The following RIMKLA variants were observed in gnomAD, a reference collection of about 807,000 sequenced individuals.
RIMKLA encodes ribosomal modification protein rimK like family member A, also known as N-acetylaspartylglutamate synthase A.
A neutral mutation model predicts 32.7 loss-of-function variants in RIMKLA; 14 were observed. The ratio of observed to expected loss-of-function variants is 0.43; its 90% CI spans 0.28 to 0.67. RIMKLA has a LOEUF of 0.67. Ranked by LOEUF, RIMKLA falls within the 30% of genes least tolerant of loss-of-function variation. The pLI is 0.18. For missense variants in RIMKLA, 410 were observed against 519.0 expected, an observed-to-expected ratio of 0.79 and a Z score of 2.04; for synonymous variants, 176 against 204.1, an observed-to-expected ratio of 0.86 and a Z score of 1.18.
Position 42,390,563 on chromosome 1 carries a change from A to G in RIMKLA, c.164-8841A>G, listed in dbSNP as rs375134735. Among the ~76,000 whole-genome samples the G allele has an allele frequency of 5.3e-5, 8 of 152,278 alleles. No homozygotes were observed. In the South Asian group the frequency reaches 1.7e-3, roughly 32 times the overall value. Reference sequence around the variant, plus strand: ...TACAAGAGCAGAGAAGGTAATCTATATGTCACAGGTGCAGGTGGGTGGGTA... The same window carrying G: ...TACAAGAGCAGAGAAGGTAATCTATGTGTCACAGGTGCAGGTGGGTGGGTA... On this transcript the variant is annotated intron_variant, in intron 1 of 4. Transcript: ENST00000431473.
At chr1:42,411,647 A>ATTATTTATTTATTTAT (rs199789074) in intron 4 of RIMKLA, among the ~76,000 whole-genome samples, 9 of 144,144 alleles carry the variant, frequency 6.2e-5, no homozygotes, top group African/African-American at 2.1e-4. Flanking sequence ...TTTTATTTTT[A>ATTATTTATTTATTTAT]TTATTTATTT....
chr1:42,381,090 C>T lies in RIMKLA; in HGVS notation c.156C>T (p.Gly52=). ...MDQIAVTIVG[G]HLGLQLNQKA... is the part of the protein sequence containing the mutation. ...AGATCGCCGTCACCATCGTCGGCGGCCACCTCGGTGAGCGAGGCGGGCCCG... is the reference window on the plus strand; with the variant it reads ...AGATCGCCGTCACCATCGTCGGCGGTCACCTCGGTGAGCGAGGCGGGCCCG... The change falls in exon 1 of 5, where the codon GGC becomes GGT. Residue 52 remains glycine (G), a synonymous_variant. Coordinates refer to ENST00000431473, the MANE Select transcript of RIMKLA (RefSeq NM_173642.4). The T allele has an allele frequency of 8.0e-7, 1 of 1,257,346 alleles. No individual in the cohort carries two copies. 77.9% of individuals were successfully genotyped at this position (1,257,346 alleles called of 1,614,324 possible).
At chr1:42,391,225 A>G (rs4660222) in intron 1 of RIMKLA, among the ~76,000 whole-genome samples, 4 of 152,150 alleles carry the variant, frequency 2.6e-5, no homozygotes, top group Admixed American at 2.6e-4. Context: ...CTTGGCATTG[A>G]AAGGATTCTT....
chr1:42,389,883 C>T (rs1437308436), intron 1 of RIMKLA, among the ~76,000 whole-genome samples: 2 of 152,070 alleles, frequency 1.3e-5, no homozygotes, highest in African/African-American at 4.8e-5. Flanking sequence ...GTGCGTGTAG[C>T]ATTAGCAACC....
intron 1 of RIMKLA, among the ~76,000 whole-genome samples, chr1:42,386,212 C>G (rs893653118): frequency 6.6e-6 from 1 of 151,886 alleles, no homozygotes; most frequent in Non-Finnish European, 1.5e-5. Context: ...CGTGAGCCAC[C>G]GAGCCTGGCC....
chr1:42,423,412 C>T lies in RIMKLA; in HGVS notation c.*8438C>T, dbSNP rs1024987970. On this transcript the variant is annotated 3_prime_UTR_variant, in exon 5 of 5. Transcript: ENST00000431473. ...CACATATAAAAAGATTAGCAGTAAT[C>T]CCTTGATACCATCTAATTCCCAGTC... Among the ~76,000 whole-genome samples the T allele has an allele frequency of 1.3e-5, 2 of 152,158 alleles. No individual in the cohort carries two copies. The highest frequency in any genetic ancestry group is 4.8e-5 in the African/African-American group (2 of 41,430).
chr1:42,401,977 C>G (rs541935682), intron 2 of RIMKLA, among the ~76,000 whole-genome samples: 3 of 152,216 alleles, frequency 2.0e-5, no homozygotes, highest in South Asian at 4.1e-4. Flanking sequence ...CTTACTGCAT[C>G]GAAAAGAAAG....
intron 1 of RIMKLA, chr1:42,396,532 C>T (rs1240841637): frequency 2.6e-5 from 4 of 152,156 alleles, no homozygotes; most frequent in Non-Finnish European, 4.4e-5. Flanking sequence ...TGAATCTGCT[C>T]GTTGAGGCTG....
intron 1 of RIMKLA, among the ~76,000 whole-genome samples, chr1:42,385,727 CTTTCTTTCTT>C (rs1187912578): frequency 1.5e-5 from 1 of 65,316 alleles, no homozygotes; most frequent in Non-Finnish European, 2.9e-5. Context: ...CTCTTTCTTT[CTTTCTTTCTT>C]TCTTTCTTTC....
intron 2 of RIMKLA, among the ~76,000 whole-genome samples, chr1:42,402,750 C>T (rs892864415): frequency 5.3e-5 from 8 of 152,054 alleles, no homozygotes; most frequent in African/African-American, 1.9e-4. Context: ...ACCACCACAC[C>T]CAGCTAATTT....
chr1:42,409,869 C>A, intron 3 of RIMKLA, 115 bp from the exon 4 acceptor site: 1 of 793,720 alleles, frequency 1.3e-6, no homozygotes, highest in Non-Finnish European at 2.1e-6. Context: ...TAGAAGGGAC[C>A]AAAGTGAGGC....
rs1029898560 is a variant in RIMKLA at position 42,419,042 on chromosome 1, G to C, written c.*4068G>C. On this transcript the variant is annotated 3_prime_UTR_variant, in exon 5 of 5. Coordinates refer to ENST00000431473, the MANE Select transcript of RIMKLA (RefSeq NM_173642.4). ...AGTGAATGTTCATAGATCTGGGACT[G>C]TTTTTGACTGTACCTCTGAGACTCA... 1.3e-5 allele frequency: 2 copies of C among 152,216 alleles called. No homozygotes were observed. The highest frequency in any genetic ancestry group is 4.8e-5 in the African/African-American group (2 of 41,446). 9.4% of individuals were successfully genotyped at this position (152,216 alleles called of 1,614,324 possible).
chr1:42,399,006 T>C (rs1643071706), intron 1 of RIMKLA, among the ~76,000 whole-genome samples: 1 of 148,836 alleles, frequency 6.7e-6, no homozygotes. Context: ...TATATAATGT[T>C]CCAATCAGAT....
intron 3 of RIMKLA, among the ~76,000 whole-genome samples, chr1:42,405,517 C>T (rs1643136143): frequency 1.3e-5 from 2 of 152,186 alleles, no homozygotes; most frequent in Non-Finnish European, 2.9e-5. Context: ...TGCTTAAACA[C>T]TCCAGGCATC....
rs1643287978 is a variant in RIMKLA at position 42,420,664 on chromosome 1, GT to G, written c.*5691del. On this transcript the variant is annotated 3_prime_UTR_variant, in exon 5 of 5. Transcript: ENST00000431473. Reference sequence around the variant, plus strand: ...CGGAATTCGAGTGCCATCTCTTAAGGTGATGCATTTTTAATTCCCACTGCAC... The same window carrying G: ...CGGAATTCGAGTGCCATCTCTTAAGGGATGCATTTTTAATTCCCACTGCAC... 1 of 152,166 alleles carries G rather than the reference GT, an allele frequency of 6.6e-6. No homozygotes were observed. Among genetic ancestry groups the G allele is most frequent in the Non-Finnish European group, 1.5e-5 (1 of 68,038 alleles). The allele number at this position is 152,166 out of a possible 1,614,324, so 9.4% of individuals were successfully genotyped here.
chr1:42,385,655 C>T (rs1642929183), intron 1 of RIMKLA, among the ~76,000 whole-genome samples: 1 of 152,018 alleles, frequency 6.6e-6, no homozygotes, highest in African/African-American at 2.4e-5. Flanking sequence ...GTTTTAGAAC[C>T]AGTGGATGAG....
rs1287828177 is a variant in RIMKLA at position 42,419,723 on chromosome 1, G to A, written c.*4749G>A. The A allele has an allele frequency of 6.6e-6, 1 of 152,256 alleles. No individual in the cohort carries two copies. Among genetic ancestry groups the A allele is most frequent in the African/African-American group, 2.4e-5 (1 of 41,440 alleles). 9.4% of individuals were successfully genotyped at this position (152,256 alleles called of 1,614,324 possible). ...TTCTAGGTGAGAGCCCCAAAGGCAT[G>A]TATATTTCCATGATGCAAGCTGGCT... On this transcript the variant is annotated 3_prime_UTR_variant, in exon 5 of 5. Coordinates refer to ENST00000431473, the MANE Select transcript of RIMKLA (RefSeq NM_173642.4).
intron 2 of RIMKLA, 126 bp from the exon 3 acceptor site, chr1:42,404,385 G>C: frequency 2.9e-6 from 2 of 685,274 alleles, no homozygotes. Context: ...TGAATCAACT[G>C]GGTTTGAATG....
Position 42,420,564 on chromosome 1 carries a change from C to T in RIMKLA, c.*5590C>T, listed in dbSNP as rs923567402. Reference sequence around the variant, plus strand: ...ATTTGATTCCTGCCAACACCCTAACCGTCATGACTTCACCTTTTACCATGG... The same window carrying T: ...ATTTGATTCCTGCCAACACCCTAACTGTCATGACTTCACCTTTTACCATGG... On this transcript the variant is annotated 3_prime_UTR_variant, in exon 5 of 5. Transcript: ENST00000431473. The T allele has an allele frequency of 1.3e-5, 2 of 152,200 alleles. No homozygotes were observed. Among genetic ancestry groups the T allele is most frequent in the Non-Finnish European group, 2.9e-5 (2 of 68,048 alleles). 9.4% of individuals were successfully genotyped at this position (152,200 alleles called of 1,614,324 possible).
Sources: allele counts gnomAD v4.1 joint callset (sites outside exome capture counted in the v4.1 genomes callset), GRCh38; gene constraint gnomAD v4.1.1; transcripts MANE v1.5; gene names NCBI Gene and HGNC (gene_info 2026-07-23, HGNC 2026-07-21).